KDM4C: variants seen among roughly 807,000 people sequenced by gnomAD.
The protein encoded by KDM4C is lysine demethylase 4C.
In KDM4C, 81 loss-of-function variants were observed where a neutral mutation model predicts 129.3. The ratio of observed to expected loss-of-function variants is 0.63; its 90% CI spans 0.52 to 0.75. KDM4C has a LOEUF of 0.75. Among genes scored for constraint, KDM4C ranks in the 30% least tolerant of loss-of-function variants. The pLI, the probability that KDM4C is intolerant of heterozygous loss-of-function variation, is 0.00. For missense variants in KDM4C, 1,457 were observed against 1,304.0 expected, an observed-to-expected ratio of 1.12 and a Z score of -1.81; for synonymous variants, 573 against 456.1, an observed-to-expected ratio of 1.26 and a Z score of -3.26.
chr9:7,095,740 A>G (rs1263988141), intron 17 of KDM4C, among the ~76,000 whole-genome samples: 2 of 152,228 alleles, frequency 1.3e-5, no homozygotes, highest in Non-Finnish European at 2.9e-5. Flanking sequence ...GAATCTGGGT[A>G]GATTTTTATA....
At chr9:6,916,239 C>T (rs547810258) in intron 8 of KDM4C, among the ~76,000 whole-genome samples, 14 of 151,650 alleles carry the variant, frequency 9.2e-5, no homozygotes, top group East Asian at 7.7e-4. Flanking sequence ...CAGAGTTATC[C>T]GGACCTTTTT....
At chr9:7,136,685 T>A (rs1841241264) in intron 19 of KDM4C, among the ~76,000 whole-genome samples, 1 of 152,254 alleles carries the variant, frequency 6.6e-6, no homozygotes. Context: ...AGTTTTCTTA[T>A]ATTGAGTTGT....
chr9:7,100,048 G>A (rs1322137991), intron 17 of KDM4C, among the ~76,000 whole-genome samples: 1 of 152,002 alleles, frequency 6.6e-6, no homozygotes, highest in African/African-American at 2.4e-5. Flanking sequence ...GCTCTGCCCT[G>A]GCATATTATT....
At chr9:6,983,352 A>G (rs1458892608) in intron 9 of KDM4C, among the ~76,000 whole-genome samples, 1 of 152,178 alleles carries the variant, frequency 6.6e-6, no homozygotes, top group East Asian at 1.9e-4. Flanking sequence ...CATATATGCC[A>G]AAGCTATCAA....
intron 5 of KDM4C, among the ~76,000 whole-genome samples, chr9:6,864,920 T>A (rs576081472): frequency 1.3e-5 from 2 of 152,084 alleles, no homozygotes; most frequent in East Asian, 1.9e-4. Context: ...CTCTGATTAA[T>A]TTTTTAGTTC....
chr9:6,946,372 A>T (rs985612715), intron 8 of KDM4C, among the ~76,000 whole-genome samples: 1 of 152,058 alleles, frequency 6.6e-6, no homozygotes, highest in African/African-American at 2.4e-5. Context: ...CCTATTATTG[A>T]TCTCCTCTTC....
At chr9:7,152,541 A>G (rs1305322323) in intron 19 of KDM4C, among the ~76,000 whole-genome samples, 8 of 152,242 alleles carry the variant, frequency 5.3e-5, no homozygotes, top group Non-Finnish European at 7.3e-5. Flanking sequence ...CCAGGGGCTG[A>G]TGAGAGAGAG....
intron 1 of KDM4C, among the ~76,000 whole-genome samples, chr9:6,788,414 C>T (rs564870221): frequency 6.6e-6 from 1 of 152,306 alleles, no homozygotes; most frequent in Non-Finnish European, 1.5e-5. Flanking sequence ...CTTCTGTGTA[C>T]CAAATGTTTC....
At chr9:7,145,031 C>T (rs538903709) in intron 19 of KDM4C, among the ~76,000 whole-genome samples, 1 of 152,308 alleles carries the variant, frequency 6.6e-6, no homozygotes, top group Non-Finnish European at 1.5e-5. Flanking sequence ...TGCGCATCAC[C>T]TGGCTGATTG....
In KDM4C at chr9:7,103,702, A is replaced by C. The variant is rs370787711; in HGVS notation, c.2442A>C (p.Arg814Ser). The change falls in exon 18 of 22, where the codon AGA becomes AGC. Residue 814 changes from arginine to serine, a missense_variant. Coordinates refer to ENST00000381309, the MANE Select transcript of KDM4C (RefSeq NM_015061.6). ...QRLKLKCIFC[R>S]HRVKRVSGAC... ...CCTTCCAGAAATGCATCTTCTGCAG[A>C]CACCGGGTTAAGAGGGTCTCTGGAG... 6.3e-5 allele frequency: 101 copies of C among 1,613,572 alleles called. No individual in the cohort carries two copies. The highest frequency in any genetic ancestry group is 7.5e-5 in the Non-Finnish European group (88 of 1,179,844).
intron 8 of KDM4C, among the ~76,000 whole-genome samples, chr9:6,972,725 C>T (rs183058017): frequency 1.6e-3 from 244 of 152,222 alleles, no homozygotes; most frequent in African/African-American, 5.6e-3. Context: ...GTTAGTTCTG[C>T]GTGTTGGATA....
At chr9:7,108,808 C>T (rs531520112) in intron 18 of KDM4C, among the ~76,000 whole-genome samples, 1 of 152,132 alleles carries the variant, frequency 6.6e-6, no homozygotes, top group Non-Finnish European at 1.5e-5. Flanking sequence ...GTTTGAGGCT[C>T]CCAAATTCTA....
Position 6,748,422 on chromosome 9 carries a change from G to A in KDM4C, c.49+27425G>A, listed in dbSNP as rs1157605065. 1.3e-4 allele frequency among the ~76,000 whole-genome samples: 20 copies of A among 151,462 alleles called. No individual in the cohort carries two copies. The South Asian group carries it at 1.5e-3, about 11-fold the overall frequency. ...CTAGGGAGGCTGAGGCAGGAGAATC[G>A]CTTGAACCTGGGAGGTGGAGGTTGC... On this transcript the variant is annotated intron_variant, in intron 1 of 17. Transcript: ENST00000536108.
chr9:6,822,006 A>G (rs1368400064), intron 4 of KDM4C, among the ~76,000 whole-genome samples: 3 of 152,176 alleles, frequency 2.0e-5, no homozygotes, highest in Non-Finnish European at 2.9e-5. Context: ...TCTGAACACC[A>G]TGGACAGTAA....
Position 7,001,084 on chromosome 9 carries a change from T to C in KDM4C, c.1786+10560T>C, listed in dbSNP as rs572405720. Among the ~76,000 whole-genome samples the C allele has an allele frequency of 3.3e-5, 5 of 152,368 alleles. No homozygotes were observed. The East Asian group carries it at 9.6e-4, about 29-fold the overall frequency. Reference sequence around the variant, plus strand: ...TAGAAGGTGGCTCTCTTTATCAGCATTTTAATTTTCATAGAGTTGTTTTAG... The same window carrying C: ...TAGAAGGTGGCTCTCTTTATCAGCACTTTAATTTTCATAGAGTTGTTTTAG... On this transcript the variant is annotated intron_variant, in intron 12 of 21. Transcript: ENST00000381309.
intron 17 of KDM4C, among the ~76,000 whole-genome samples, chr9:7,052,136 A>G (rs548279350): frequency 6.6e-6 from 1 of 152,380 alleles, no homozygotes; most frequent in African/African-American, 2.4e-5. Flanking sequence ...ATGTTTTTAA[A>G]AACAAACCTG....
At chr9:6,981,690 A>G (rs1816789454) in intron 9 of KDM4C, among the ~76,000 whole-genome samples, 1 of 152,198 alleles carries the variant, frequency 6.6e-6, no homozygotes, top group Non-Finnish European at 1.5e-5. Context: ...AAAAGCTTTT[A>G]GATGTGCTGT....
At chr9:7,000,086 A>T (rs192784962) in intron 12 of KDM4C, among the ~76,000 whole-genome samples, 63 of 152,282 alleles carry the variant, frequency 4.1e-4, no homozygotes, top group Non-Finnish European at 6.8e-4. Flanking sequence ...AAAACATTAG[A>T]TGTTGTTGGC....
chr9:7,015,916 A>T lies in KDM4C; in HGVS notation c.2246A>T (p.Asn749Ile). Residue 749 changes from asparagine to isoleucine, a missense_variant, in exon 15 of 22, where the codon AAT (asparagine) becomes ATT (isoleucine). Transcript: ENST00000381309. ...DGWLCARCKR[N>I]AWTAECCLCN... Reference sequence around the variant, plus strand: ...TGGCTGTGTGCCCGGTGCAAAAGAAATGCGTGGACAGCAGTAAGTAGCTTA... The same window carrying T: ...TGGCTGTGTGCCCGGTGCAAAAGAATTGCGTGGACAGCAGTAAGTAGCTTA... 6.2e-7 allele frequency: 1 copy of T among 1,612,034 alleles called. No homozygotes were observed. The highest frequency in any genetic ancestry group is 8.5e-7 in the Non-Finnish European group (1 of 1,178,386).
Sources: allele counts gnomAD v4.1 joint callset (sites outside exome capture counted in the v4.1 genomes callset), GRCh38; gene constraint gnomAD v4.1.1; transcripts MANE v1.5; gene names NCBI Gene and HGNC (gene_info 2026-07-23, HGNC 2026-07-21).